The following GABRB3 variants were observed in gnomAD, a reference collection of about 807,000 sequenced individuals.
GABRB3 encodes gamma-aminobutyric acid type A receptor subunit beta3.
GABRB3 carries 14 observed loss-of-function variants against 52.1 expected under a neutral mutation model. The observed-to-expected ratio is 0.27, with a 90% CI of 0.18 to 0.42. The LOEUF (loss-of-function observed/expected upper bound fraction) is 0.42. Ranked by LOEUF, GABRB3 falls within the 10% of genes least tolerant of loss-of-function variation. The pLI, the probability that GABRB3 is intolerant of heterozygous loss-of-function variation, is 1.00. For synonymous variants in GABRB3, 260 were observed against 232.3 expected, an observed-to-expected ratio of 1.12 and a Z score of -1.08; for missense variants, 307 against 609.1, an observed-to-expected ratio of 0.50 and a Z score of 5.22.
At chr15:26,698,666 T>C (rs1300550681) in intron 3 of GABRB3, among the ~76,000 whole-genome samples, 1 of 152,178 alleles carries the variant, frequency 6.6e-6, no homozygotes, top group Non-Finnish European at 1.5e-5. Context: ...GAGGGTCTGA[T>C]GGGAGATGAG....
chr15:26,620,685 A>ACCAGACCAT (rs2140535478), intron 4 of GABRB3, among the ~76,000 whole-genome samples: 1 of 152,288 alleles, frequency 6.6e-6, no homozygotes, highest in Admixed American at 6.5e-5. Context: ...ATAATTGACC[A>ACCAGACCAT]CCAGCTGGGA....
At chr15:26,639,541 G>A (rs533648954) in intron 3 of GABRB3, among the ~76,000 whole-genome samples, 1 of 152,236 alleles carries the variant, frequency 6.6e-6, no homozygotes, top group South Asian at 2.1e-4. Context: ...TTATATCAAG[G>A]ACTTGAGCAT....
chr15:26,773,015 C>T lies in GABRB3; in HGVS notation c.-53G>A. 7.9e-7 allele frequency: 1 copy of T among 1,273,110 alleles called. No homozygotes were observed. The highest frequency in any genetic ancestry group is 1.0e-6 in the Non-Finnish European group (1 of 1,003,980). The allele number at this position is 1,273,110 out of a possible 1,614,324, so 78.9% of individuals were successfully genotyped here. A position where few individuals can be genotyped will look rare whatever the true frequency, so the allele number is the denominator to read the frequency against. On this transcript the variant is annotated 5_prime_UTR_variant, in exon 1 of 9. Transcript: ENST00000311550. ...GGGGGCGCCCCGCCGCCGTCGCGAC[C>T]CGCAGCCGGGGCTGCTCCTGCTGCT...
intron 3 of GABRB3, among the ~76,000 whole-genome samples, chr15:26,648,526 C>T (rs1292326433): frequency 2.0e-5 from 3 of 151,968 alleles, no homozygotes; most frequent in Non-Finnish European, 2.9e-5. Flanking sequence ...CTTATGATCC[C>T]GAAGAAAGGG....
At chr15:26,646,792 C>A (rs547485811) in intron 3 of GABRB3, among the ~76,000 whole-genome samples, 97 of 152,220 alleles carry the variant, frequency 6.4e-4, no homozygotes, top group Admixed American at 9.8e-4. Context: ...ATTTCCCTAG[C>A]GACTAATGAT....
intron 6 of GABRB3, among the ~76,000 whole-genome samples, chr15:26,573,388 A>G (rs1246925620): frequency 1.3e-5 from 2 of 152,236 alleles, no homozygotes; most frequent in East Asian, 3.8e-4. Context: ...AAAGAGAGAG[A>G]AGAAAAATGG....
chr15:26,747,388 TTC>T (rs539544584), intron 3 of GABRB3, among the ~76,000 whole-genome samples: 10 of 152,242 alleles, frequency 6.6e-5, no homozygotes, highest in Non-Finnish European at 1.3e-4. Context: ...TAGTTAGGTC[TTC>T]TTTCATTTCT....
At chr15:26,704,184 C>T (rs978453650) in intron 3 of GABRB3, among the ~76,000 whole-genome samples, 8 of 152,236 alleles carry the variant, frequency 5.3e-5, no homozygotes, top group Admixed American at 3.3e-4. Flanking sequence ...AGGCCTAGAG[C>T]CACTGTCAGA....
At chr15:26,732,615 T>C (rs561528827) in intron 3 of GABRB3, among the ~76,000 whole-genome samples, 1 of 151,562 alleles carries the variant, frequency 6.6e-6, no homozygotes, top group African/African-American at 2.4e-5. Flanking sequence ...GTTGCCAGGC[T>C]GGAGTGCAGT....
intron 3 of GABRB3, among the ~76,000 whole-genome samples, chr15:26,699,424 A>G (rs1046126758): frequency 6.6e-6 from 1 of 152,184 alleles, no homozygotes; most frequent in Non-Finnish European, 1.5e-5. Flanking sequence ...GCATCCAAAC[A>G]GAGATTACCA....
At chr15:26,682,432 C>T (rs1011667976) in intron 3 of GABRB3, among the ~76,000 whole-genome samples, 2 of 152,112 alleles carry the variant, frequency 1.3e-5, no homozygotes, top group South Asian at 2.1e-4. Flanking sequence ...GAGCAGGGCC[C>T]GTGAAAAGAC....
intron 4 of GABRB3, among the ~76,000 whole-genome samples, chr15:26,618,177 T>G (rs1892334378): frequency 6.6e-6 from 1 of 152,272 alleles, no homozygotes; most frequent in South Asian, 2.1e-4. Flanking sequence ...TTAAAGTTCA[T>G]ACGGAACCAA....
chr15:26,718,113 C>T (rs552304748), intron 3 of GABRB3, among the ~76,000 whole-genome samples: 1 of 152,282 alleles, frequency 6.6e-6, no homozygotes, highest in African/African-American at 2.4e-5. Flanking sequence ...CTGCACACAC[C>T]TGAAAACAAA....
At chr15:26,633,625 A>T (rs7162732) in intron 3 of GABRB3, among the ~76,000 whole-genome samples, 30,045 of 152,060 alleles carry the variant, frequency 0.2, 3,938 homozygotes, top group African/African-American at 0.38. Flanking sequence ...CAAGAATGCA[A>T]TTAACTGATA....
At chr15:26,677,073 A>G (rs1383279702) in intron 3 of GABRB3, among the ~76,000 whole-genome samples, 1 of 152,170 alleles carries the variant, frequency 6.6e-6, no homozygotes, top group African/African-American at 2.4e-5. Context: ...AATAACATCG[A>G]TAAGTTGGAT....
chr15:26,624,960 C>T, intron 3 of GABRB3: 1 of 985,422 alleles, frequency 1.0e-6, no homozygotes, highest in Non-Finnish European at 1.2e-6. Context: ...AACTCCACGC[C>T]CTGTGCTACC....
At chr15:26,749,699 A>G (rs1045704537) in intron 3 of GABRB3, among the ~76,000 whole-genome samples, 1 of 152,164 alleles carries the variant, frequency 6.6e-6, no homozygotes, top group Non-Finnish European at 1.5e-5. Flanking sequence ...GGCATTATCA[A>G]AAAGTTTTTT....
chr15:26,611,041 A>G lies in GABRB3; in HGVS notation c.461+10273T>C, dbSNP rs894148433. On this transcript the variant is annotated intron_variant, in intron 4 of 8. Transcript: ENST00000311550. ...AGCCGAATCTTCTGAGTTATTGGCA[A>G]AAATACCCATGTATTTAACCTTAAG... Among the ~76,000 whole-genome samples the G allele has an allele frequency of 5.9e-5, 9 of 152,220 alleles. No homozygotes were observed. In the South Asian group the frequency reaches 1.9e-3, roughly 32 times the overall value.
At chr15:26,725,670 T>G (rs1889751398) in intron 3 of GABRB3, among the ~76,000 whole-genome samples, 1 of 152,208 alleles carries the variant, frequency 6.6e-6, no homozygotes, top group Non-Finnish European at 1.5e-5. Context: ...GTTTCAAATT[T>G]GGAGTTTTTT....
Sources: gnomAD v4.1 joint callset for allele counts (sites outside exome capture counted in the v4.1 genomes callset) on GRCh38, gnomAD v4.1.1 for gene constraint, MANE v1.5 for transcripts, NCBI Gene and HGNC (gene_info 2026-07-23, HGNC 2026-07-21) for gene names.